Variants in CDH5 observed in about 807,000 individuals in gnomAD.
The protein encoded by CDH5 is cadherin 5, also known as cadherin-5.
Under a neutral mutation model 62.0 loss-of-function variants are expected in CDH5, and 28 were observed. The observed-to-expected ratio is 0.45, with a 90% confidence interval of 0.33 to 0.62. The LOEUF (loss-of-function observed/expected upper bound fraction) is 0.62, where lower values mean the gene tolerates loss of function less well. CDH5 is among the 20% of genes least tolerant of loss of function. CDH5 has a pLI of 0.02. For synonymous variants in CDH5, 464 were observed against 445.8 expected (o/e 1.04, Z -0.52); for missense variants, 940 against 1,065.1 (o/e 0.88, Z 1.63).
At chr16:66,369,942 G>T (rs1960654355) in intron 1 of CDH5, among the ~76,000 whole-genome samples, 1 of 152,262 alleles carries the variant, frequency 6.6e-6, no homozygotes, top group African/African-American at 2.4e-5. Flanking sequence ...CTTAAGAGGT[G>T]CCCTGCTCAG....
intron 7 of CDH5, chr16:66,395,736 A>G (rs7190712): frequency 0.024 from 4,893 of 203,090 alleles, 222 homozygotes; most frequent in African/African-American, 0.11. Flanking sequence ...CTCTTGCCCA[A>G]TGATCTTTTC....
At chr16:66,400,119 T>A (rs1187950579) in intron 10 of CDH5, among the ~76,000 whole-genome samples, 1 of 152,224 alleles carries the variant, frequency 6.6e-6, no homozygotes, top group African/African-American at 2.4e-5. Flanking sequence ...AAAATCAGCA[T>A]GTTTTAAAAG....
chr16:66,396,416 C>T (rs1218062708), intron 8 of CDH5, among the ~76,000 whole-genome samples: 2 of 152,210 alleles, frequency 1.3e-5, no homozygotes, highest in African/African-American at 4.8e-5. Flanking sequence ...TCTCGGGCCT[C>T]ACCCCCACAC....
chr16:66,374,121 A>T (rs1158388887), intron 1 of CDH5, among the ~76,000 whole-genome samples: 2 of 152,222 alleles, frequency 1.3e-5, no homozygotes, highest in Non-Finnish European at 2.9e-5. Flanking sequence ...CTTTACCTGC[A>T]AAATGGGAAC....
At chr16:66,380,715 A>AGGTGGT (rs1019917870) in intron 2 of CDH5, among the ~76,000 whole-genome samples, 1 of 147,690 alleles carries the variant, frequency 6.8e-6, no homozygotes, top group Non-Finnish European at 1.5e-5. Context: ...GGGAAGGACA[A>AGGTGGT]GGTGGTGGTG....
At position 66,386,898 on chromosome 16, in the gene CDH5, A is replaced by G. The variant is rs765983700; in HGVS notation, c.300A>G (p.Gly100=). 6 of 1,614,252 alleles carry G rather than the reference A, an allele frequency of 3.7e-6. No individual in the cohort carries two copies. Among genetic ancestry groups the G allele is most frequent in the East Asian group, 2.2e-5 (1 of 44,888 alleles). Residue 100 remains glycine, a synonymous_variant, in exon 3 of 12, where the codon GGA becomes GGG. Transcript: ENST00000341529. The part of the protein sequence containing the change: ...GKVFRVDAET[G]DVFAIERLDR... The stretch of plus-strand genomic sequence containing the variant: ...TCTTCCGGGTCGATGCAGAGACAGG[A>G]GACGTGTTCGCCATTGAGAGGCTGG...
rs1230042406 is a variant in CDH5, at chr16:66,379,440, A to G, written c.103A>G (p.Thr35Ala). The G allele has an allele frequency of 6.2e-7, 1 of 1,614,192 alleles. No individual in the cohort carries two copies. Among genetic ancestry groups the G allele is most frequent in the Non-Finnish European group, 8.5e-7 (1 of 1,180,042 alleles). The change falls in exon 2 of 12, where the codon ACC becomes GCC. Residue 35 changes from threonine (T) to alanine (A), a missense_variant. Thr to Ala is a moderately conservative substitution (Grantham distance 58). Coordinates refer to ENST00000341529, the MANE Select transcript of CDH5 (RefSeq NM_001795.5). ...AAGANPAQRD[T>A]HSLLPTHRRQ... Reference sequence around the variant, plus strand: ...AGGTGCTAACCCTGCCCAACGGGACACCCACAGCCTGCTGCCCACCCACCG... The same window carrying G: ...AGGTGCTAACCCTGCCCAACGGGACGCCCACAGCCTGCTGCCCACCCACCG...
chr16:66,367,860 A>G (rs1960615499), intron 1 of CDH5, among the ~76,000 whole-genome samples: 1 of 152,204 alleles, frequency 6.6e-6, no homozygotes, highest in Non-Finnish European at 1.5e-5. Flanking sequence ...GAAGTGAGCT[A>G]CATCCCTGGT....
rs1302048760 is a variant in CDH5, at chr16:66,392,392, G to T, written c.1217+9G>T. ...GCTAGGCATAGCATTGGGTAAGGGG[G>T]CGTGTGTCGATGAGAATGATAAGGA... On this transcript the variant is annotated intron_variant, in intron 7 of 11. Coordinates refer to ENST00000341529, the MANE Select transcript of CDH5 (RefSeq NM_001795.5). The T allele has an allele frequency of 6.2e-7, 1 of 1,613,970 alleles. No homozygotes were observed. The highest frequency in any genetic ancestry group is 2.2e-5 in the East Asian group (1 of 44,876).
At chr16:66,382,468 T>TACAGGAA (rs1454205703) in intron 2 of CDH5, among the ~76,000 whole-genome samples, 2 of 152,082 alleles carry the variant, frequency 1.3e-5, no homozygotes, top group African/African-American at 4.8e-5. Context: ...CTCTGTGTCA[T>TACAGGAA]ACAGGAAAAT....
chr16:66,385,690 T>C (rs1960971161), intron 2 of CDH5, among the ~76,000 whole-genome samples: 1 of 152,206 alleles, frequency 6.6e-6, no homozygotes, highest in African/African-American at 2.4e-5. Flanking sequence ...AGCACATCAT[T>C]ATGTAGCATT....
intron 1 of CDH5, among the ~76,000 whole-genome samples, chr16:66,373,498 C>T (rs915348367): frequency 6.6e-5 from 10 of 152,074 alleles, no homozygotes; most frequent in African/African-American, 2.2e-4. Context: ...TCACTGCAAC[C>T]CCCGCCTCCC....
chr16:66,383,992 C>T (rs965439944), intron 2 of CDH5, among the ~76,000 whole-genome samples: 7 of 151,878 alleles, frequency 4.6e-5, no homozygotes, highest in East Asian at 1.9e-4. Context: ...CTTTCCAGAC[C>T]TCATGGGATG....
intron 1 of CDH5, among the ~76,000 whole-genome samples, chr16:66,369,330 C>T (rs1338467891): frequency 6.6e-6 from 1 of 152,158 alleles, no homozygotes. Context: ...GCCACACCCA[C>T]CAGGCTGGAG....
At chr16:66,398,406 C>A in intron 9 of CDH5, 50 bp from the exon 10 acceptor site, 1 of 473,218 alleles carries the variant, frequency 2.1e-6, no homozygotes, top group South Asian at 2.9e-5. Flanking sequence ...CTCAGACCAC[C>A]CCACCACCCC....
At chr16:66,367,818 T>C (rs1411889056) in intron 1 of CDH5, among the ~76,000 whole-genome samples, 1 of 152,192 alleles carries the variant, frequency 6.6e-6, no homozygotes, top group Non-Finnish European at 1.5e-5. Context: ...ATCTGTGAAA[T>C]GGGGAAACAG....
chr16:66,398,611 A>T (rs757377189), intron 10 of CDH5, 50 bp downstream of exon 10: 1 of 942,992 alleles, frequency 1.1e-6, no homozygotes, highest in South Asian at 1.3e-5. Flanking sequence ...CCACACCTGT[A>T]GTCTCAGCTA....
intron 1 of CDH5, among the ~76,000 whole-genome samples, chr16:66,375,878 C>T (rs1021100802): frequency 6.6e-6 from 1 of 151,644 alleles, no homozygotes; most frequent in African/African-American, 2.4e-5. Flanking sequence ...GAGGCTGACG[C>T]GGCGGATCGC....
chr16:66,392,509 C>T, intron 7 of CDH5, 126 bp downstream of exon 7: 1 of 1,334,310 alleles, frequency 7.5e-7, no homozygotes, highest in Non-Finnish European at 1.0e-6. Context: ...GGGAAAGTGA[C>T]AGAGGCAAGA....
Sources: allele counts gnomAD v4.1 joint callset (sites outside exome capture counted in the v4.1 genomes callset), GRCh38; gene constraint gnomAD v4.1.1; transcripts MANE v1.5; gene names NCBI Gene and HGNC (gene_info 2026-07-23, HGNC 2026-07-21).